ZNF366: variants seen among roughly 807,000 people sequenced by gnomAD.
ZNF366 encodes dendritic cell-specific transcript protein.
ZNF366 carries 20 observed loss-of-function variants against 47.2 expected under a neutral mutation model. That is an observed-to-expected ratio of 0.42 (90% confidence interval 0.30 to 0.62). The LOEUF (loss-of-function observed/expected upper bound fraction) is 0.62, where lower values mean the gene tolerates loss of function less well. ZNF366 is among the 20% of genes least tolerant of loss of function. The pLI, the probability that ZNF366 is intolerant of heterozygous loss-of-function variation, is 0.16. For missense variants in ZNF366, 987 were observed against 976.3 expected, an observed-to-expected ratio of 1.01 and a Z score of -0.15; for synonymous variants, 421 against 395.1, an observed-to-expected ratio of 1.07 and a Z score of -0.78.
At chr5:72,448,810 A>T (rs1310991663) in intron 3 of ZNF366, among the ~76,000 whole-genome samples, 1 of 152,132 alleles carries the variant, frequency 6.6e-6, no homozygotes, top group Non-Finnish European at 1.5e-5. Flanking sequence ...GAGTAGATAG[A>T]CCTCTCAAAT....
At chr5:72,474,059 T>C (rs1167413297) in intron 1 of ZNF366, among the ~76,000 whole-genome samples, 1 of 152,248 alleles carries the variant, frequency 6.6e-6, no homozygotes, top group Non-Finnish European at 1.5e-5. Context: ...TAATTTGCCA[T>C]GTGGAGAAAT....
At chr5:72,476,069 A>G (rs1038762535) in intron 1 of ZNF366, among the ~76,000 whole-genome samples, 1 of 152,134 alleles carries the variant, frequency 6.6e-6, no homozygotes. Context: ...TCCTGGTAGC[A>G]CCATAAAAAA....
At chr5:72,482,942 G>T (rs139836873) in intron 1 of ZNF366, among the ~76,000 whole-genome samples, 1 of 152,058 alleles carries the variant, frequency 6.6e-6, no homozygotes, top group Non-Finnish European at 1.5e-5. Context: ...CATTTGCACC[G>T]TATGTTAGTA....
intron 1 of ZNF366, among the ~76,000 whole-genome samples, chr5:72,484,536 G>A (rs1474994655): frequency 6.6e-6 from 1 of 150,910 alleles, no homozygotes; most frequent in African/African-American, 2.4e-5. Flanking sequence ...CATTTAAATA[G>A]TCAGTATTCA....
intron 1 of ZNF366, among the ~76,000 whole-genome samples, chr5:72,461,984 G>A (rs757559226): frequency 2.7e-4 from 41 of 152,202 alleles, no homozygotes; most frequent in Non-Finnish European, 5.9e-4. Context: ...TCTACTAATG[G>A]TGATTGGAAA....
intron 4 of ZNF366, among the ~76,000 whole-genome samples, 172 bp from the exon 5 acceptor site, chr5:72,444,463 C>A (rs1229072750): frequency 6.6e-6 from 1 of 152,132 alleles, no homozygotes; most frequent in Admixed American, 6.5e-5. Context: ...GTGTCCAAAT[C>A]GGTTTAATCC....
At chr5:72,486,977 A>G (rs1046947665) in intron 1 of ZNF366, among the ~76,000 whole-genome samples, 1 of 152,002 alleles carries the variant, frequency 6.6e-6, no homozygotes, top group Non-Finnish European at 1.5e-5. Flanking sequence ...GGGTTTCACC[A>G]TGTTGGCCAG....
intron 1 of ZNF366, among the ~76,000 whole-genome samples, chr5:72,481,027 G>A (rs1481427475): frequency 1.3e-5 from 2 of 152,138 alleles, no homozygotes; most frequent in Non-Finnish European, 2.9e-5. Flanking sequence ...AAGGACGGAA[G>A]GAACACCATG....
rs1435420538 is a variant in ZNF366 at position 72,443,823 on chromosome 5, C to G, written c.2168G>C (p.Arg723Thr). ...SFSDYLYFKH[R>T]DESLKELLER... Reference sequence around the variant, plus strand: ...CAGTAATTCTTTCAAACTCTCATCTCTGTGCTTGAAGTATAAGTAATCAGA... The same window carrying G: ...CAGTAATTCTTTCAAACTCTCATCTGTGTGCTTGAAGTATAAGTAATCAGA... The change falls in exon 5 of 5, where the codon AGA becomes ACA. Residue 723 changes from arginine (R) to threonine (T), a missense_variant. By Grantham distance (71) the Arg-to-Thr change is moderately conservative. This residue lies in a region of ZNF366 where 285 missense variants were observed against 234.8 expected (regional missense o/e 1.21). Coordinates refer to ENST00000318442, the MANE Select transcript of ZNF366 (RefSeq NM_152625.3). The G allele has an allele frequency of 6.2e-7, 1 of 1,614,108 alleles. No individual in the cohort carries two copies. The highest frequency in any genetic ancestry group is 2.2e-5 in the East Asian group (1 of 44,902).
At position 72,504,116 on chromosome 5, in the gene ZNF366, C is replaced by T. The variant is rs533045610; in HGVS notation, c.-15+3135G>A. On this transcript the variant is annotated intron_variant, in intron 1 of 4. Transcript: ENST00000318442. ...ACACACGCGTGCATGCACACACACA[C>T]GCACACCCATGGTGATATATAGTGT... 5.9e-5 allele frequency among the ~76,000 whole-genome samples: 9 copies of T among 152,238 alleles called. No individual in the cohort carries two copies. In the South Asian group the frequency reaches 6.2e-4, roughly 11 times the overall value.
chr5:72,476,733 T>C (rs1743680898), intron 1 of ZNF366, among the ~76,000 whole-genome samples: 1 of 152,162 alleles, frequency 6.6e-6, no homozygotes. Flanking sequence ...GCACCATTTG[T>C]ATGCATGTGA....
chr5:72,482,225 C>A (rs1384276280), intron 1 of ZNF366, among the ~76,000 whole-genome samples: 4 of 152,138 alleles, frequency 2.6e-5, no homozygotes, highest in African/African-American at 9.7e-5. Context: ...GAATGTTTTA[C>A]CTATGATGTG....
intron 1 of ZNF366, among the ~76,000 whole-genome samples, chr5:72,492,552 T>G (rs1298573558): frequency 6.6e-6 from 1 of 152,156 alleles, no homozygotes; most frequent in Non-Finnish European, 1.5e-5. Context: ...TCTTTTAAAG[T>G]CAAGCAATAG....
chr5:72,470,337 T>A (rs1168296382), intron 1 of ZNF366, among the ~76,000 whole-genome samples: 3 of 152,202 alleles, frequency 2.0e-5, no homozygotes. Flanking sequence ...CTTTGACATT[T>A]CATTGGCTGT....
chr5:72,453,480 C>A (rs114099141), intron 3 of ZNF366, among the ~76,000 whole-genome samples: 1 of 152,354 alleles, frequency 6.6e-6, no homozygotes, highest in African/African-American at 2.4e-5. Flanking sequence ...GGCCCTCCAT[C>A]CCTCTGTCAA....
chr5:72,446,007 T>A (rs1178106199), intron 4 of ZNF366, among the ~76,000 whole-genome samples: 1 of 152,232 alleles, frequency 6.6e-6, no homozygotes, highest in East Asian at 1.9e-4. Flanking sequence ...TCACACTGTG[T>A]GTGCATATGT....
intron 1 of ZNF366, among the ~76,000 whole-genome samples, chr5:72,470,662 G>T (rs894535046): frequency 1.3e-5 from 2 of 152,160 alleles, no homozygotes; most frequent in Non-Finnish European, 2.9e-5. Context: ...ACAAATAACC[G>T]TGTCCTAGGT....
chr5:72,449,252 T>TTG (rs1202553988), intron 3 of ZNF366, among the ~76,000 whole-genome samples: 2 of 151,772 alleles, frequency 1.3e-5, no homozygotes, highest in Non-Finnish European at 2.9e-5. Context: ...TGAAAGGTTT[T>TTG]TTTTTTTTTT....
intron 3 of ZNF366, among the ~76,000 whole-genome samples, chr5:72,449,529 G>A (rs567406500): frequency 6.6e-6 from 1 of 152,204 alleles, no homozygotes; most frequent in Non-Finnish European, 1.5e-5. Flanking sequence ...AAGCCACCAT[G>A]CCAGGCCAAA....
Sources: gnomAD v4.1 joint callset for allele counts (sites outside exome capture counted in the v4.1 genomes callset) on GRCh38, gnomAD v4.1.1 for gene constraint, gnomAD v4.1.1 regional missense constraint, MANE v1.5 for transcripts, NCBI Gene and HGNC (gene_info 2026-07-23, HGNC 2026-07-21) for gene names.